Variants in TLL2 observed in about 807,000 individuals in gnomAD.
TLL2 encodes tolloid like 2.
Under a neutral mutation model 123.0 loss-of-function variants are expected in TLL2, and 106 were observed. The ratio of observed to expected loss-of-function variants is 0.86; its 90% CI spans 0.74 to 1.01. The LOEUF (loss-of-function observed/expected upper bound fraction) is 1.01. Ranked by LOEUF, TLL2 falls within the 50% of genes least tolerant of loss-of-function variation. The pLI, the probability that TLL2 is intolerant of heterozygous loss-of-function variation, is 0.00. For missense variants in TLL2, 1,332 were observed against 1,336.7 expected (o/e 1.00, Z 0.06); for synonymous variants, 494 against 516.8 (o/e 0.96, Z 0.60).
At chr10:96,404,078 A>T (rs1047648742) in intron 10 of TLL2, among the ~76,000 whole-genome samples, 2 of 152,142 alleles carry the variant, frequency 1.3e-5, no homozygotes, top group African/African-American at 2.4e-5. Flanking sequence ...AATAATGAAA[A>T]TAATAATCAA....
rs1846037877 is a variant in TLL2 at position 96,367,307 on chromosome 10, T to C, written c.*781A>G. 1 of 150,924 alleles carries C rather than the reference T, an allele frequency of 6.6e-6. No individual in the cohort carries two copies. The highest frequency in any genetic ancestry group is 1.5e-5 in the Non-Finnish European group (1 of 67,960). The allele number at this position is 150,924 out of a possible 1,614,324, so 9.3% of individuals were successfully genotyped here. A position where few individuals can be genotyped will look rare whatever the true frequency, so the allele number is the denominator to read the frequency against. ...ACAGGTGGAGTCTTCTCAAAGTCAA[T>C]GAATGAAAAAAATATCAGGACGAGC... On this transcript the variant is annotated 3_prime_UTR_variant, in exon 21 of 21. Coordinates refer to ENST00000357947, the MANE Select transcript of TLL2 (RefSeq NM_012465.4).
At position 96,366,131 on chromosome 10, in the gene TLL2, A is replaced by C. The variant is rs1212921003; in HGVS notation, c.*1957T>G. 2.0e-5 allele frequency: 3 copies of C among 152,266 alleles called. No individual in the cohort carries two copies. Among genetic ancestry groups the C allele is most frequent in the Non-Finnish European group, 4.4e-5 (3 of 68,050 alleles). The allele number at this position is 152,266 out of a possible 1,614,324, so 9.4% of individuals were successfully genotyped here. Reference sequence around the variant, plus strand: ...ACTCTCATAGACAAGATGAGACCAAATAAAACCTCAGAAAATACAAAAATC... The same window carrying C: ...ACTCTCATAGACAAGATGAGACCAACTAAAACCTCAGAAAATACAAAAATC... On this transcript the variant is annotated 3_prime_UTR_variant, in exon 21 of 21. Transcript: ENST00000357947.
intron 7 of TLL2, among the ~76,000 whole-genome samples, chr10:96,417,282 C>T (rs1300915077): frequency 6.6e-6 from 1 of 152,126 alleles, no homozygotes; most frequent in African/African-American, 2.4e-5. Flanking sequence ...GAAAAGCTCC[C>T]AGTAAAAACC....
intron 3 of TLL2, 88 bp from the exon 4 acceptor site, chr10:96,433,050 AG>A: frequency 1.3e-6 from 2 of 1,529,118 alleles, no homozygotes; most frequent in Non-Finnish European, 1.8e-6. Flanking sequence ...AATTCCAAAA[AG>A]GGGGTGTTAA....
At chr10:96,379,222 T>G in intron 16 of TLL2, 130 bp from the exon 17 acceptor site, 1 of 1,160,352 alleles carries the variant, frequency 8.6e-7, no homozygotes, top group Non-Finnish European at 1.2e-6. Context: ...CCTCTGATTG[T>G]TCCCTCACTG....
At chr10:96,404,217 TCCCA>T (rs948455059) in intron 10 of TLL2, among the ~76,000 whole-genome samples, 2 of 152,184 alleles carry the variant, frequency 1.3e-5, no homozygotes, top group Non-Finnish European at 2.9e-5. Flanking sequence ...CAGTCTCTCA[TCCCA>T]CCTGACTAGA....
intron 3 of TLL2, 108 bp downstream of exon 3, chr10:96,445,983 A>T: frequency 8.9e-7 from 1 of 1,124,004 alleles, no homozygotes; most frequent in Non-Finnish European, 1.3e-6. Flanking sequence ...GAATGTACTT[A>T]ATGCCACTAA....
At chr10:96,497,494 T>C (rs1847488855) in intron 1 of TLL2, among the ~76,000 whole-genome samples, 1 of 152,176 alleles carries the variant, frequency 6.6e-6, no homozygotes, top group Non-Finnish European at 1.5e-5. Context: ...TCCTCCAGCT[T>C]CTGGTTGCTT....
intron 2 of TLL2, among the ~76,000 whole-genome samples, chr10:96,473,281 C>G (rs1008311767): frequency 2.0e-5 from 3 of 151,976 alleles, no homozygotes; most frequent in African/African-American, 7.3e-5. Flanking sequence ...GTGGTGAAAC[C>G]CTGTCTCTAC....
At chr10:96,408,825 G>A (rs1026335566) in intron 9 of TLL2, among the ~76,000 whole-genome samples, 1 of 152,214 alleles carries the variant, frequency 6.6e-6, no homozygotes, top group Non-Finnish European at 1.5e-5. Flanking sequence ...GGCTGTCAGA[G>A]TCCAATTGCC....
intron 19 of TLL2, among the ~76,000 whole-genome samples, chr10:96,371,246 G>A (rs1338680117): frequency 4.6e-5 from 7 of 151,966 alleles, no homozygotes; most frequent in African/African-American, 1.7e-4. Context: ...TCTTGAACCT[G>A]GGAGGCGGAG....
At chr10:96,460,906 G>A (rs775230667) in intron 2 of TLL2, among the ~76,000 whole-genome samples, 3 of 152,202 alleles carry the variant, frequency 2.0e-5, no homozygotes, top group East Asian at 3.9e-4. Flanking sequence ...GGAAGCAGGC[G>A]CTACCCAGAA....
chr10:96,393,461 C>G (rs1178980534), intron 13 of TLL2, among the ~76,000 whole-genome samples: 1 of 152,244 alleles, frequency 6.6e-6, no homozygotes, highest in Non-Finnish European at 1.5e-5. Context: ...ATTGTCTCTC[C>G]AGGTAGAGAG....
intron 1 of TLL2, among the ~76,000 whole-genome samples, chr10:96,510,003 C>T (rs1847612723): frequency 6.6e-6 from 1 of 152,076 alleles, no homozygotes; most frequent in Non-Finnish European, 1.5e-5. Flanking sequence ...TTTTGTCTAC[C>T]CTGCAAGGCA....
chr10:96,453,911 TTTGTTCA>T (rs1189232152), intron 2 of TLL2, among the ~76,000 whole-genome samples: 2 of 152,264 alleles, frequency 1.3e-5, no homozygotes, highest in East Asian at 1.9e-4. Flanking sequence ...ATTTCCAAAT[TTTGTTCA>T]ACATATTACT....
At chr10:96,380,272 C>G (rs1216777561) in intron 16 of TLL2, among the ~76,000 whole-genome samples, 1 of 152,288 alleles carries the variant, frequency 6.6e-6, no homozygotes, top group East Asian at 1.9e-4. Context: ...GCCTCCCTCC[C>G]CTGCTTCCCT....
intron 1 of TLL2, among the ~76,000 whole-genome samples, chr10:96,499,752 C>T (rs1032057378): frequency 1.3e-5 from 2 of 152,074 alleles, no homozygotes; most frequent in East Asian, 3.9e-4. Context: ...TTTAACAATT[C>T]TCTAATTAGA....
At chr10:96,485,171 C>A (rs80018342) in intron 1 of TLL2, among the ~76,000 whole-genome samples, 1 of 152,040 alleles carries the variant, frequency 6.6e-6, no homozygotes, top group South Asian at 2.1e-4. Flanking sequence ...GAGCTAAAAC[C>A]AAAAAACTAT....
At chr10:96,386,740 C>T (rs1274611094) in intron 14 of TLL2, among the ~76,000 whole-genome samples, 1 of 152,188 alleles carries the variant, frequency 6.6e-6, no homozygotes. Context: ...ATTTCAGTCT[C>T]TAGGGCAGAG....
Sources: gnomAD v4.1 joint callset for allele counts (sites outside exome capture counted in the v4.1 genomes callset) on GRCh38, gnomAD v4.1.1 for gene constraint, MANE v1.5 for transcripts, NCBI Gene and HGNC (gene_info 2026-07-23, HGNC 2026-07-21) for gene names.